The following PIGN variants were observed in gnomAD, a reference collection of about 807,000 sequenced individuals.
The protein encoded by PIGN is phosphatidylinositol glycan anchor biosynthesis class N.
PIGN carries 117 observed loss-of-function variants against 125.4 expected under a neutral mutation model. The ratio of observed to expected loss-of-function variants is 0.93; its 90% CI spans 0.80 to 1.09. The LOEUF (loss-of-function observed/expected upper bound fraction) is 1.09. Ranked by LOEUF, PIGN falls within the 50% of genes least tolerant of loss-of-function variation. The pLI is 0.00. For synonymous variants in PIGN, 392 were observed against 377.8 expected, an observed-to-expected ratio of 1.04 and a Z score of -0.44; for missense variants, 1,075 against 1,094.9, an observed-to-expected ratio of 0.98 and a Z score of 0.26.
At chr18:62,122,351 C>T (rs959754966) in intron 14 of PIGN, among the ~76,000 whole-genome samples, 4 of 152,096 alleles carry the variant, frequency 2.6e-5, no homozygotes, top group Non-Finnish European at 5.9e-5. Flanking sequence ...TCCTAGATTA[C>T]TCATATAAGC....
intron 13 of PIGN, 50 bp downstream of exon 13, chr18:62,138,933 A>G (rs1265285403): frequency 4.7e-6 from 4 of 846,586 alleles, no homozygotes; most frequent in Non-Finnish European, 3.7e-6. Context: ...CAATATTTAA[A>G]TTGTAGTATT....
intron 14 of PIGN, among the ~76,000 whole-genome samples, chr18:62,128,109 C>A (rs1321845775): frequency 6.6e-6 from 1 of 152,074 alleles, no homozygotes. Context: ...ATAATTCCCA[C>A]AAGAATTATT....
intron 14 of PIGN, among the ~76,000 whole-genome samples, chr18:62,124,408 A>G (rs1166536663): frequency 6.6e-6 from 1 of 152,180 alleles, no homozygotes; most frequent in African/African-American, 2.4e-5. Context: ...GCAAAAAAAG[A>G]TACCAGATTA....
At chr18:62,089,008 T>C (rs1412420329) in intron 24 of PIGN, among the ~76,000 whole-genome samples, 166 bp from the exon 25 acceptor site, 2 of 152,162 alleles carry the variant, frequency 1.3e-5, no homozygotes, top group Admixed American at 6.6e-5. Context: ...AGGGTTTAAT[T>C]ACACCTTAAT....
Position 62,085,195 on chromosome 18 carries a change from T to A in PIGN, c.2426+14A>T. On this transcript the variant is annotated intron_variant, in intron 26 of 30. Coordinates refer to ENST00000640252, the MANE Select transcript of PIGN (RefSeq NM_176787.5). ...TTTTAGTTATATATATATGCCACTT[T>A]CATTTAAAATTACCTGTTAATAGAA... 7.0e-7 allele frequency: 1 copy of A among 1,429,024 alleles called. No individual in the cohort carries two copies. Among genetic ancestry groups the A allele is most frequent in the Non-Finnish European group, 9.6e-7 (1 of 1,039,276 alleles). The allele number at this position is 1,429,024 out of a possible 1,614,324, so 88.5% of individuals were successfully genotyped here.
chr18:62,111,366 T>C (rs1033465047), intron 16 of PIGN, among the ~76,000 whole-genome samples: 1 of 152,106 alleles, frequency 6.6e-6, no homozygotes, highest in Non-Finnish European at 1.5e-5. Flanking sequence ...GTTTACATCA[T>C]TCAGTTTGCT....
chr18:62,141,563 T>C (rs1234920549), intron 11 of PIGN, among the ~76,000 whole-genome samples: 2 of 152,192 alleles, frequency 1.3e-5, no homozygotes, highest in East Asian at 1.9e-4. Context: ...ACTATTTAGA[T>C]TGTCATTACC....
At chr18:62,064,341 C>T (rs940065738) in intron 30 of PIGN, among the ~76,000 whole-genome samples, 4 of 152,210 alleles carry the variant, frequency 2.6e-5, no homozygotes, top group African/African-American at 7.2e-5. Context: ...ACCAGTTATA[C>T]ATCCTTATGC....
chr18:62,126,333 A>C (rs754986772), intron 14 of PIGN, among the ~76,000 whole-genome samples: 6 of 152,112 alleles, frequency 3.9e-5, no homozygotes, highest in Non-Finnish European at 7.4e-5. Context: ...CATGGTAAAC[A>C]CTATAGTGTT....
chr18:62,017,630 C>T (rs2029996950), exon 24 of PIGN: 1 of 152,116 alleles, frequency 6.6e-6, no homozygotes, highest in Non-Finnish European at 1.5e-5. Flanking sequence ...GTAACTCACC[C>T]TATTTTGAGC....
At chr18:62,055,639 T>TG (rs1053029700) in intron 30 of PIGN, among the ~76,000 whole-genome samples, 11 of 152,128 alleles carry the variant, frequency 7.2e-5, no homozygotes, top group Admixed American at 6.5e-5. Flanking sequence ...AAGTTACCAC[T>TG]GGGGGGAAAT....
At chr18:62,081,401 T>C (rs2033441055) in intron 28 of PIGN, among the ~76,000 whole-genome samples, 1 of 152,148 alleles carries the variant, frequency 6.6e-6, no homozygotes, top group South Asian at 2.1e-4. Context: ...CTGGCTTCAA[T>C]GTGTGACATT....
At chr18:62,026,607 G>T (rs2030121771) in intron 23 of PIGN, among the ~76,000 whole-genome samples, 2 of 152,174 alleles carry the variant, frequency 1.3e-5, no homozygotes, top group Admixed American at 1.3e-4. Context: ...ACTGTCTGGG[G>T]TAACAATTTT....
intron 23 of PIGN, among the ~76,000 whole-genome samples, chr18:62,092,467 T>C (rs1167595075): frequency 6.6e-6 from 1 of 152,064 alleles, no homozygotes; most frequent in African/African-American, 2.4e-5. Flanking sequence ...AAAAAGCTTA[T>C]GCATAAAAAC....
Position 62,105,509 on chromosome 18 carries a change from T to A in PIGN, c.1859+34A>T, listed in dbSNP as rs563352542. The A allele has an allele frequency of 1.7e-5, 21 of 1,241,182 alleles. No individual in the cohort carries two copies. The South Asian group carries it at 2.8e-4, about 17-fold the overall frequency. 76.9% of individuals were successfully genotyped at this position (1,241,182 alleles called of 1,614,324 possible). A position where few individuals can be genotyped will look rare whatever the true frequency, so the allele number is the denominator to read the frequency against. On this transcript the variant is annotated intron_variant, in intron 20 of 30. Transcript: ENST00000640252. ...TGTTAATTGAGGAAAAAAAAGTGTA[T>A]TGAAAATAGAATAAAATACAATATT...
chr18:62,132,973 CT>C (rs1300221383), intron 14 of PIGN, among the ~76,000 whole-genome samples: 1 of 152,120 alleles, frequency 6.6e-6, no homozygotes, highest in Non-Finnish European at 1.5e-5. Context: ...GAGAGTTTGA[CT>C]TAGGATTTTT....
At position 62,045,923 on chromosome 18, in the gene PIGN, C is replaced by G; in HGVS notation, c.2729G>C (p.Gly910Ala). The change falls in exon 31 of 31, where the codon GGC becomes GCC. Residue 910 changes from glycine (G) to alanine (A), a missense_variant. Physicochemically the swap from Gly to Ala is moderately conservative, Grantham distance 60 (BLOSUM62 0). Transcript: ENST00000640252. ...SMTIFLVFLN[G>A]LAQLLTTKKL... Reference sequence around the variant, plus strand: ...CTTCGTTGTGAGCAGCTGGGCCAGGCCATTGAGGAACACCAAAAAGATGGT... The same window carrying G: ...CTTCGTTGTGAGCAGCTGGGCCAGGGCATTGAGGAACACCAAAAAGATGGT... 6.2e-7 allele frequency: 1 copy of G among 1,613,490 alleles called. No individual in the cohort carries two copies. The highest frequency in any genetic ancestry group is 8.5e-7 in the Non-Finnish European group (1 of 1,179,644).
intron 23 of PIGN, among the ~76,000 whole-genome samples, chr18:62,020,544 T>C (rs1187117524): frequency 6.6e-6 from 1 of 151,304 alleles, no homozygotes; most frequent in Non-Finnish European, 1.5e-5. Flanking sequence ...TTGAATAGAC[T>C]CTTCACCAAA....
intron 22 of PIGN, among the ~76,000 whole-genome samples, chr18:62,097,304 C>T (rs1204313757): frequency 6.0e-5 from 8 of 132,460 alleles, no homozygotes; most frequent in African/African-American, 2.0e-4. Flanking sequence ...ATTTATGCAG[C>T]CAAAAAACAC....
Sources: gnomAD v4.1 joint callset for allele counts (sites outside exome capture counted in the v4.1 genomes callset) on GRCh38, gnomAD v4.1.1 for gene constraint, MANE v1.5 for transcripts, NCBI Gene and HGNC (gene_info 2026-07-23, HGNC 2026-07-21) for gene names.